The following HS3ST4 variants were observed in gnomAD, a reference collection of about 807,000 sequenced individuals.
HS3ST4 encodes heparan sulfate-glucosamine 3-sulfotransferase 4, also known as heparan sulfate glucosamine 3-O-sulfotransferase 4.
In HS3ST4, 17 loss-of-function variants were observed where a neutral mutation model predicts 29.2. That is an observed-to-expected ratio of 0.58 (90% CI 0.40 to 0.87). The LOEUF (loss-of-function observed/expected upper bound fraction) is 0.87, where lower values mean the gene tolerates loss of function less well. HS3ST4 is among the 40% of genes least tolerant of loss of function. The probability of loss-of-function intolerance (pLI) is 0.00; values close to 1 mark genes in which losing one functional copy is unlikely to be tolerated. For synonymous variants in HS3ST4, 314 were observed against 285.7 expected, an observed-to-expected ratio of 1.10 and a Z score of -1.00; for missense variants, 627 against 634.5, an observed-to-expected ratio of 0.99 and a Z score of 0.13.
At position 25,896,872 on chromosome 16, in the gene HS3ST4, G is replaced by A. The variant is rs145900112; in HGVS notation, c.734+203721G>A. ...AGCAACAGGGATGCAGCTGGAGGCC[G>A]TTATCTTAAGTGAATTAACACAGAA... On this transcript the variant is annotated intron_variant, in intron 1 of 1. Coordinates refer to ENST00000331351, the MANE Select transcript of HS3ST4 (RefSeq NM_006040.3). Among the ~76,000 whole-genome samples the A allele has an allele frequency of 3.7e-4, 57 of 152,288 alleles. 1 individual carries two copies. In the East Asian group the frequency reaches 0.01, roughly 28 times the overall value.
At chr16:25,852,959 T>G (rs1441333929) in intron 1 of HS3ST4, among the ~76,000 whole-genome samples, 1 of 152,170 alleles carries the variant, frequency 6.6e-6, no homozygotes, top group East Asian at 1.9e-4. Flanking sequence ...CCCCAGTTTT[T>G]AAAGTTAGTT....
intron 1 of HS3ST4, among the ~76,000 whole-genome samples, chr16:25,964,500 C>T (rs1228668129): frequency 6.6e-6 from 1 of 152,244 alleles, no homozygotes; most frequent in South Asian, 2.1e-4. Flanking sequence ...CTATATAATG[C>T]GCAGGGCAAC....
At chr16:25,915,549 C>G (rs1968285741) in intron 1 of HS3ST4, among the ~76,000 whole-genome samples, 1 of 152,116 alleles carries the variant, frequency 6.6e-6, no homozygotes, top group African/African-American at 2.4e-5. Flanking sequence ...AAGTAAACTC[C>G]CACAAATGAT....
At chr16:25,937,219 C>T (rs1968525976) in intron 1 of HS3ST4, among the ~76,000 whole-genome samples, 1 of 151,678 alleles carries the variant, frequency 6.6e-6, no homozygotes, top group Admixed American at 6.6e-5. Flanking sequence ...ACTAATGTAA[C>T]TGTGGGGTGA....
chr16:25,864,100 G>C, intron 1 of HS3ST4, among the ~76,000 whole-genome samples: 1 of 152,304 alleles, frequency 6.6e-6, no homozygotes, highest in African/African-American at 2.4e-5. Flanking sequence ...TTCCTAAAGG[G>C]ACACCACTCA....
At chr16:26,103,772 T>A (rs1336279177) in intron 1 of HS3ST4, among the ~76,000 whole-genome samples, 1 of 152,202 alleles carries the variant, frequency 6.6e-6, no homozygotes, top group Admixed American at 6.5e-5. Context: ...CACATTCATT[T>A]GTGGATCTCA....
intron 1 of HS3ST4, among the ~76,000 whole-genome samples, chr16:25,730,305 TTGTTTTC>T (rs1390005552): frequency 2.0e-5 from 3 of 152,048 alleles, no homozygotes; most frequent in Non-Finnish European, 4.4e-5. Context: ...GCTCCTTGGG[TTGTTTTC>T]TTCTTGTTTC....
intron 1 of HS3ST4, among the ~76,000 whole-genome samples, chr16:25,992,013 T>C (rs1427800754): frequency 6.6e-6 from 1 of 151,604 alleles, no homozygotes; most frequent in Non-Finnish European, 1.5e-5. Context: ...AGAGCGAGAC[T>C]CCGTCTCAAA....
intron 1 of HS3ST4, among the ~76,000 whole-genome samples, chr16:25,713,686 G>A (rs954976650): frequency 1.3e-5 from 2 of 152,164 alleles, no homozygotes; most frequent in Non-Finnish European, 2.9e-5. Flanking sequence ...GCCATTCCAT[G>A]GCTCGGAGCA....
chr16:25,790,036 A>T (rs1159421862), intron 1 of HS3ST4, among the ~76,000 whole-genome samples: 1 of 152,190 alleles, frequency 6.6e-6, no homozygotes, highest in African/African-American at 2.4e-5. Flanking sequence ...ATTCTTAAAC[A>T]TTCCTTTAGG....
chr16:25,711,143 G>A (rs764950830), intron 1 of HS3ST4, among the ~76,000 whole-genome samples: 2 of 151,858 alleles, frequency 1.3e-5, no homozygotes, highest in Non-Finnish European at 2.9e-5. Flanking sequence ...AGGCTTCTAG[G>A]GAAGTAAACC....
Position 25,692,727 on chromosome 16 carries a change from G to T in HS3ST4, c.310G>T (p.Asp104Tyr), listed in dbSNP as rs1966263601. 7.9e-7 allele frequency: 1 copy of T among 1,271,170 alleles called. No individual in the cohort carries two copies. The highest frequency in any genetic ancestry group is 9.9e-7 in the Non-Finnish European group (1 of 1,011,772). The allele number at this position is 1,271,170 out of a possible 1,614,324, so 78.7% of individuals were successfully genotyped here. Residue 104 changes from aspartate (D) to tyrosine (Y), a missense_variant, in exon 1 of 2, where the codon GAC becomes TAC. Physicochemically the swap from Asp to Tyr is radical, Grantham distance 160. Transcript: ENST00000331351. ...PSQPPAPPPL[D>Y]NASHGEPPEP... ...GCAGCCGCCCGCGCCGCCGCCGCTG[G>T]ACAACGCGAGCCACGGGGAGCCGCC...
intron 1 of HS3ST4, among the ~76,000 whole-genome samples, chr16:25,960,481 C>G (rs557834436): frequency 6.6e-6 from 1 of 152,316 alleles, no homozygotes; most frequent in African/African-American, 2.4e-5. Context: ...TCACATACTA[C>G]TTTTCTCAAT....
chr16:25,965,138 G>A (rs1452753697), intron 1 of HS3ST4, among the ~76,000 whole-genome samples: 10 of 152,088 alleles, frequency 6.6e-5, no homozygotes, highest in South Asian at 2.1e-4. Context: ...AAGGAGCTCG[G>A]GAGGTGCGGG....
chr16:25,759,702 A>T (rs1213512417), intron 1 of HS3ST4, among the ~76,000 whole-genome samples: 1 of 152,140 alleles, frequency 6.6e-6, no homozygotes, highest in Non-Finnish European at 1.5e-5. Flanking sequence ...GGTGGGGAGG[A>T]TCGCTTGAGG....
At chr16:25,754,613 A>G (rs1348030887) in intron 1 of HS3ST4, among the ~76,000 whole-genome samples, 4 of 152,278 alleles carry the variant, frequency 2.6e-5, no homozygotes, top group South Asian at 2.1e-4. Flanking sequence ...CTTAACAATC[A>G]TGGCAAAAAG....
chr16:26,034,540 C>T (rs1969565138), intron 1 of HS3ST4, among the ~76,000 whole-genome samples: 1 of 152,108 alleles, frequency 6.6e-6, no homozygotes, highest in Admixed American at 6.5e-5. Flanking sequence ...TACCATTTTC[C>T]CCATTCTACA....
intron 1 of HS3ST4, among the ~76,000 whole-genome samples, chr16:25,799,835 C>T (rs13337217): frequency 0.012 from 1,802 of 152,138 alleles, 39 homozygotes; most frequent in African/African-American, 0.042. Context: ...TATGTATCTA[C>T]CCATCTATCT....
chr16:25,808,716 A>G (rs1043987343), intron 1 of HS3ST4, among the ~76,000 whole-genome samples: 2 of 152,144 alleles, frequency 1.3e-5, no homozygotes, highest in African/African-American at 4.8e-5. Flanking sequence ...TGACATCTTT[A>G]CTGTGCTGCT....
Sources: allele counts gnomAD v4.1 joint callset (sites outside exome capture counted in the v4.1 genomes callset), GRCh38; gene constraint gnomAD v4.1.1; transcripts MANE v1.5; gene names NCBI Gene and HGNC (gene_info 2026-07-23, HGNC 2026-07-21).